The following MALRD1 variants were observed in gnomAD, a reference collection of about 807,000 sequenced individuals.
The protein encoded by MALRD1 is MAM and LDL receptor class A domain containing 1.
A neutral mutation model predicts 242.1 loss-of-function variants in MALRD1; 247 were observed. The observed-to-expected ratio is 1.02, with a 90% CI of 0.92 to 1.13. The LOEUF is 1.13. Among genes scored for constraint, MALRD1 ranks in the 50% most tolerant of loss-of-function variants. The probability of loss-of-function intolerance (pLI) is 0.00; values close to 1 mark genes in which losing one functional copy is unlikely to be tolerated. For missense variants in MALRD1, 2,989 were observed against 2,533.1 expected, an observed-to-expected ratio of 1.18 and a Z score of -3.86; for synonymous variants, 995 against 866.6, an observed-to-expected ratio of 1.15 and a Z score of -2.60.
chr10:19,301,905 T>C (rs1218422037), intron 21 of MALRD1, among the ~76,000 whole-genome samples: 3 of 151,796 alleles, frequency 2.0e-5, no homozygotes, highest in Non-Finnish European at 2.9e-5. Context: ...ATAACTCTTA[T>C]AACTAAGCCA....
At chr10:19,145,117 A>C (rs1833684058) in intron 10 of MALRD1, among the ~76,000 whole-genome samples, 1 of 152,248 alleles carries the variant, frequency 6.6e-6, no homozygotes, top group Admixed American at 6.5e-5. Flanking sequence ...TAGGAAAACG[A>C]AATTTAAGCA....
At chr10:19,300,551 G>C (rs563703444) in intron 21 of MALRD1, among the ~76,000 whole-genome samples, 1 of 151,748 alleles carries the variant, frequency 6.6e-6, no homozygotes, top group Non-Finnish European at 1.5e-5. Flanking sequence ...CAGAAATAAA[G>C]CTGCACACCT....
intron 29 of MALRD1, among the ~76,000 whole-genome samples, chr10:19,484,279 T>C (rs1013745440): frequency 6.6e-6 from 1 of 152,174 alleles, no homozygotes; most frequent in Non-Finnish European, 1.5e-5. Context: ...TAAAATAAAA[T>C]TGAAATTATA....
chr10:19,117,976 A>G (rs138853497), intron 5 of MALRD1, among the ~76,000 whole-genome samples: 1 of 152,212 alleles, frequency 6.6e-6, no homozygotes, highest in Admixed American at 6.5e-5. Context: ...GCGTTCACCA[A>G]GCTTACAATT....
At position 19,586,982 on chromosome 10, in the gene MALRD1, C is replaced by T. The variant is rs532751521; in HGVS notation, c.5681-8212C>T. On this transcript the variant is annotated intron_variant, in intron 33 of 39. Coordinates refer to ENST00000454679, the MANE Select transcript of MALRD1 (RefSeq NM_001142308.3). ...GCGCAGTATTTGGGTGGGAGTGACC[C>T]GATTTTCCAGGTGCCGTCTGTCACC... Among the ~76,000 whole-genome samples the T allele has an allele frequency of 5.3e-5, 8 of 152,324 alleles. No homozygotes were observed. In the South Asian group the frequency reaches 1.2e-3, roughly 24 times the overall value.
intron 28 of MALRD1, among the ~76,000 whole-genome samples, chr10:19,419,915 A>G (rs1036522674): frequency 1.3e-5 from 2 of 152,220 alleles, no homozygotes; most frequent in African/African-American, 4.8e-5. Flanking sequence ...AATAAAAAGA[A>G]GACATAAAGT....
chr10:19,476,780 G>GT (rs1468950283), intron 29 of MALRD1, among the ~76,000 whole-genome samples: 2 of 152,090 alleles, frequency 1.3e-5, no homozygotes, highest in African/African-American at 4.8e-5. Flanking sequence ...CTCTAATTAT[G>GT]TTTTTTATTC....
At chr10:19,172,188 T>C (rs1229215173) in intron 13 of MALRD1, among the ~76,000 whole-genome samples, 1 of 134,372 alleles carries the variant, frequency 7.4e-6, no homozygotes, top group Non-Finnish European at 1.6e-5. Context: ...TATATATACA[T>C]ATATACACAT....
At chr10:19,631,184 C>T (rs1416929103) in intron 36 of MALRD1, among the ~76,000 whole-genome samples, 1 of 152,072 alleles carries the variant, frequency 6.6e-6, no homozygotes, top group East Asian at 1.9e-4. Context: ...CTGTTGTTCC[C>T]CTCTATGTGT....
At chr10:19,167,608 G>A (rs1245302265) in intron 13 of MALRD1, among the ~76,000 whole-genome samples, 1 of 151,996 alleles carries the variant, frequency 6.6e-6, no homozygotes, top group Non-Finnish European at 1.5e-5. Context: ...ATTACCCAGG[G>A]GACAATTGAC....
At chr10:19,094,632 C>T (rs1409074243) in intron 4 of MALRD1, among the ~76,000 whole-genome samples, 2 of 152,144 alleles carry the variant, frequency 1.3e-5, no homozygotes, top group African/African-American at 4.8e-5. Context: ...TTCCTCTTTC[C>T]TTTCATTTCT....
intron 26 of MALRD1, among the ~76,000 whole-genome samples, chr10:19,368,069 G>C (rs570195848): frequency 4.0e-5 from 6 of 151,852 alleles, no homozygotes; most frequent in Admixed American, 6.6e-5. Flanking sequence ...CTTTTTACCC[G>C]GTTGATTGTT....
intron 8 of MALRD1, among the ~76,000 whole-genome samples, chr10:19,129,742 A>C (rs1313043622): frequency 4.0e-5 from 6 of 148,384 alleles, no homozygotes; most frequent in African/African-American, 1.5e-4. Flanking sequence ...ATAATGTATA[A>C]TTATATGTAA....
intron 27 of MALRD1, chr10:19,389,226 TA>T (rs1170809921): frequency 1.5e-6 from 1 of 646,066 alleles, no homozygotes; most frequent in East Asian, 3.2e-5. Context: ...TCAGATCAGT[TA>T]ATCTGCATAC....
intron 19 of MALRD1, among the ~76,000 whole-genome samples, chr10:19,271,927 G>A (rs938146160): frequency 6.6e-6 from 1 of 152,090 alleles, no homozygotes; most frequent in South Asian, 2.1e-4. Context: ...TGAGGGGTTA[G>A]AATCAGCAAG....
At chr10:19,316,469 G>T (rs1169954004) in intron 21 of MALRD1, among the ~76,000 whole-genome samples, 1 of 151,860 alleles carries the variant, frequency 6.6e-6, no homozygotes, top group African/African-American at 2.4e-5. Context: ...AAACAATACA[G>T]AATGTTCTTT....
intron 10 of MALRD1, among the ~76,000 whole-genome samples, chr10:19,143,055 C>T (rs1833606237): frequency 6.6e-6 from 1 of 152,218 alleles, no homozygotes; most frequent in African/African-American, 2.4e-5. Context: ...GTTGCTTTCA[C>T]ACATCTTTAT....
intron 36 of MALRD1, among the ~76,000 whole-genome samples, chr10:19,625,916 A>AT (rs1839632316): frequency 6.6e-6 from 1 of 152,056 alleles, no homozygotes; most frequent in South Asian, 2.1e-4. Flanking sequence ...CTCTGCTGTT[A>AT]TTTTTTTCAA....
At chr10:19,260,893 A>T (rs528478750) in intron 19 of MALRD1, among the ~76,000 whole-genome samples, 3 of 152,188 alleles carry the variant, frequency 2.0e-5, no homozygotes, top group Non-Finnish European at 2.9e-5. Context: ...TAAACCTGAA[A>T]GGAAGAGGCT....
Sources: allele counts gnomAD v4.1 joint callset (sites outside exome capture counted in the v4.1 genomes callset), GRCh38; gene constraint gnomAD v4.1.1; transcripts MANE v1.5; gene names NCBI Gene and HGNC (gene_info 2026-07-23, HGNC 2026-07-21).